The following ZFPM2 variants were observed in gnomAD, a reference collection of about 807,000 sequenced individuals.
ZFPM2 encodes the protein zinc finger protein, FOG family member 2, also known as zinc finger protein ZFPM2.
Under a neutral mutation model 98.6 loss-of-function variants are expected in ZFPM2, and 20 were observed. The observed-to-expected ratio is 0.20, with a 90% CI of 0.14 to 0.29. ZFPM2 has a LOEUF of 0.29. ZFPM2 is among the 10% of genes least tolerant of loss of function. The probability of loss-of-function intolerance (pLI) is 1.00; values close to 1 mark genes in which losing one functional copy is unlikely to be tolerated. For missense variants in ZFPM2, 1,310 were observed against 1,388.6 expected, an observed-to-expected ratio of 0.94 and a Z score of 0.90; for synonymous variants, 518 against 502.7, an observed-to-expected ratio of 1.03 and a Z score of -0.41.
At chr8:105,490,683 G>A (rs1462350987) in intron 3 of ZFPM2, among the ~76,000 whole-genome samples, 4 of 151,998 alleles carry the variant, frequency 2.6e-5, no homozygotes, top group Admixed American at 6.6e-5. Context: ...ATTTGAAGGC[G>A]GGAATACTTT....
chr8:105,710,769 G>C (rs541868793), intron 5 of ZFPM2, among the ~76,000 whole-genome samples: 2 of 151,542 alleles, frequency 1.3e-5, no homozygotes, highest in South Asian at 4.2e-4. Flanking sequence ...CCAAAGCTTA[G>C]ATTGTCCATA....
chr8:105,470,665 G>A (rs1436983227), intron 3 of ZFPM2, among the ~76,000 whole-genome samples: 1 of 151,950 alleles, frequency 6.6e-6, no homozygotes, highest in Non-Finnish European at 1.5e-5. Flanking sequence ...GTAGTCCCAG[G>A]TATTTGGAAG....
intron 1 of ZFPM2, among the ~76,000 whole-genome samples, chr8:105,347,295 C>G (rs555768023): frequency 6.6e-6 from 1 of 152,094 alleles, no homozygotes; most frequent in Non-Finnish European, 1.5e-5. Context: ...CATAAAACTT[C>G]CAGTCATTGA....
At chr8:105,594,781 A>C (rs1319453846) in intron 4 of ZFPM2, among the ~76,000 whole-genome samples, 2 of 152,082 alleles carry the variant, frequency 1.3e-5, no homozygotes, top group Non-Finnish European at 2.9e-5. Context: ...CATGTTAATC[A>C]TGACTCACTC....
At chr8:105,516,600 T>C (rs1813926737) in intron 3 of ZFPM2, among the ~76,000 whole-genome samples, 1 of 152,210 alleles carries the variant, frequency 6.6e-6, no homozygotes, top group Admixed American at 6.5e-5. Flanking sequence ...GATGTCTCAG[T>C]CTGTCCTTAA....
chr8:105,698,056 T>C (rs1378802912), intron 5 of ZFPM2, among the ~76,000 whole-genome samples: 2 of 152,238 alleles, frequency 1.3e-5, no homozygotes, highest in Non-Finnish European at 2.9e-5. Flanking sequence ...TATTTTCCCT[T>C]GTATTTCTCT....
chr8:105,449,085 TCTTA>T (rs1812436046), intron 3 of ZFPM2, among the ~76,000 whole-genome samples: 1 of 152,148 alleles, frequency 6.6e-6, no homozygotes, highest in East Asian at 1.9e-4. Context: ...AAAAGTCACA[TCTTA>T]CTTACATCAA....
intron 3 of ZFPM2, among the ~76,000 whole-genome samples, chr8:105,485,259 G>C (rs1813207656): frequency 6.6e-6 from 1 of 152,098 alleles, no homozygotes; most frequent in South Asian, 2.1e-4. Flanking sequence ...ATCAGTCCAG[G>C]GGTTACTGAG....
At chr8:105,352,624 T>C (rs181008984) in intron 1 of ZFPM2, among the ~76,000 whole-genome samples, 31 of 152,054 alleles carry the variant, frequency 2.0e-4, no homozygotes, top group East Asian at 5.8e-4. Context: ...CCTTTTATTA[T>C]CTGGATCTGC....
At chr8:105,691,039 T>A (rs531000113) in intron 5 of ZFPM2, 1 of 152,200 alleles carries the variant, frequency 6.6e-6, no homozygotes, top group Admixed American at 6.5e-5. Flanking sequence ...ACTCTAGAGC[T>A]CCTGATTGAA....
intron 5 of ZFPM2, among the ~76,000 whole-genome samples, chr8:105,765,223 A>G (rs1339790994): frequency 6.6e-6 from 1 of 151,834 alleles, no homozygotes; most frequent in Non-Finnish European, 1.5e-5. Context: ...GTAAAATCCT[A>G]GTTAACTACC....
At chr8:105,385,263 G>A (rs1449118472) in intron 1 of ZFPM2, among the ~76,000 whole-genome samples, 1 of 152,234 alleles carries the variant, frequency 6.6e-6, no homozygotes, top group Non-Finnish European at 1.5e-5. Context: ...TGGGCAGGTT[G>A]TGAAGGATGC....
At chr8:105,499,540 C>T (rs1306408901) in intron 3 of ZFPM2, among the ~76,000 whole-genome samples, 2 of 152,090 alleles carry the variant, frequency 1.3e-5, no homozygotes, top group Non-Finnish European at 2.9e-5. Context: ...TGTATCTGAA[C>T]GTGAAGGAGG....
chr8:105,463,890 A>G (rs1812747989), intron 3 of ZFPM2, among the ~76,000 whole-genome samples: 1 of 152,056 alleles, frequency 6.6e-6, no homozygotes, highest in Non-Finnish European at 1.5e-5. Context: ...AGCCCAACCA[A>G]CATATTGTAA....
chr8:105,659,767 A>G (rs1817352818), intron 5 of ZFPM2, among the ~76,000 whole-genome samples: 1 of 152,228 alleles, frequency 6.6e-6, no homozygotes, highest in Admixed American at 6.5e-5. Flanking sequence ...ATCTTTTTAG[A>G]CAAGGATAAT....
chr8:105,761,329 G>A lies in ZFPM2; in HGVS notation c.533-27389G>A, dbSNP rs73700145. Among the ~76,000 whole-genome samples, 558 of 152,098 alleles carry A rather than the reference G, an allele frequency of 3.7e-3. 3 individuals carry two copies. Among genetic ancestry groups the A allele is most frequent in the African/African-American group, 0.012 (514 of 41,546 alleles). On this transcript the variant is annotated intron_variant, in intron 5 of 7. Coordinates refer to ENST00000407775, the MANE Select transcript of ZFPM2 (RefSeq NM_012082.4). ...TGTGCTCCACATTTCCTTGACCACT[G>A]TGTGTTCTATGAATACAGGTTGAGT...
chr8:105,625,492 A>T (rs1816634758), intron 4 of ZFPM2, among the ~76,000 whole-genome samples: 1 of 152,030 alleles, frequency 6.6e-6, no homozygotes, highest in Admixed American at 6.6e-5. Context: ...GAATCACAAG[A>T]TTTTAATTGA....
At chr8:105,361,088 C>T (rs1812850536) in intron 1 of ZFPM2, among the ~76,000 whole-genome samples, 1 of 117,938 alleles carries the variant, frequency 8.5e-6, no homozygotes, top group African/African-American at 3.0e-5. Context: ...ACAGTCCCAC[C>T]AACAGTGTAA....
intron 3 of ZFPM2, among the ~76,000 whole-genome samples, chr8:105,476,729 G>T (rs1368478301): frequency 1.3e-5 from 2 of 151,872 alleles, no homozygotes; most frequent in Non-Finnish European, 2.9e-5. Context: ...AATAAATATA[G>T]AACTTAACCT....
Sources: gnomAD v4.1 joint callset for allele counts (sites outside exome capture counted in the v4.1 genomes callset) on GRCh38, gnomAD v4.1.1 for gene constraint, MANE v1.5 for transcripts, NCBI Gene and HGNC (gene_info 2026-07-23, HGNC 2026-07-21) for gene names.